PHACTR1: variants seen among roughly 807,000 people sequenced by gnomAD.
PHACTR1 encodes the protein phosphatase and actin regulator 1.
In PHACTR1, 16 loss-of-function variants were observed where a neutral mutation model predicts 69.2. The ratio of observed to expected loss-of-function variants is 0.23; its 90% CI spans 0.16 to 0.35. PHACTR1 has a LOEUF of 0.35. Ranked by LOEUF, PHACTR1 falls within the 10% of genes least tolerant of loss-of-function variation. PHACTR1 has a pLI of 1.00. For missense variants in PHACTR1, 510 were observed against 734.7 expected (o/e 0.69, Z 3.54); for synonymous variants, 312 against 284.5 (o/e 1.10, Z -0.97).
chr6:12,719,811 T>C (rs554037255), intron 3 of PHACTR1, among the ~76,000 whole-genome samples: 23 of 152,250 alleles, frequency 1.5e-4, no homozygotes, highest in African/African-American at 5.5e-4. Context: ...TGCTTTTACC[T>C]CCCTCTCAAG....
intron 4 of PHACTR1, among the ~76,000 whole-genome samples, chr6:12,995,274 C>T (rs1423789962): frequency 1.3e-5 from 2 of 149,158 alleles, no homozygotes; most frequent in Non-Finnish European, 3.0e-5. Flanking sequence ...AAATATATAA[C>T]TTCCAAATTA....
rs115492407 is a variant in PHACTR1, at chr6:13,152,716, A to C, written c.416-7488A>C. Among the ~76,000 whole-genome samples, 550 of 152,298 alleles carry C rather than the reference A, an allele frequency of 3.6e-3. 3 individuals are homozygous for C. Among genetic ancestry groups the C allele is most frequent in the African/African-American group, 0.013 (530 of 41,568 alleles). On this transcript the variant is annotated intron_variant, in intron 5 of 14. Transcript: ENST00000332995. The stretch of plus-strand genomic sequence containing the variant: ...TGTGTTTTAAACTGGAGATTTTATT[A>C]TTCTTCAGGTATGGTGAGGCCAACA...
intron 4 of PHACTR1, among the ~76,000 whole-genome samples, chr6:12,757,482 T>G (rs1767467985): frequency 6.6e-6 from 1 of 152,114 alleles, no homozygotes; most frequent in Non-Finnish European, 1.5e-5. Flanking sequence ...AAAGGATCAC[T>G]GGGGCTGTTG....
At chr6:12,945,234 A>G (rs1171228057) in intron 4 of PHACTR1, among the ~76,000 whole-genome samples, 1 of 152,096 alleles carries the variant, frequency 6.6e-6, no homozygotes, top group African/African-American at 2.4e-5. Flanking sequence ...CTTCCTCCAG[A>G]AAGCCCTCCC....
At chr6:13,068,101 G>A (rs1364283916) in intron 5 of PHACTR1, among the ~76,000 whole-genome samples, 1 of 152,198 alleles carries the variant, frequency 6.6e-6, no homozygotes, top group Admixed American at 6.5e-5. Context: ...CAGATTACCT[G>A]AGGTCAGGAG....
intron 3 of PHACTR1, among the ~76,000 whole-genome samples, chr6:12,730,344 C>T (rs918924337): frequency 6.6e-6 from 1 of 151,950 alleles, no homozygotes. Flanking sequence ...ACAATTAATA[C>T]TCTATTTGAA....
At chr6:13,138,827 A>G (rs1246709419) in intron 5 of PHACTR1, among the ~76,000 whole-genome samples, 1 of 152,208 alleles carries the variant, frequency 6.6e-6, no homozygotes, top group African/African-American at 2.4e-5. Context: ...TTCCTTATAT[A>G]CCAAAAAGCA....
intron 6 of PHACTR1, among the ~76,000 whole-genome samples, chr6:13,180,395 TC>T (rs1217609686): frequency 2.6e-5 from 4 of 152,194 alleles, no homozygotes; most frequent in Non-Finnish European, 5.9e-5. Flanking sequence ...AGTTAGTATG[TC>T]CCAAGAGGAG....
At chr6:12,719,260 G>A (rs997246801) in intron 3 of PHACTR1, among the ~76,000 whole-genome samples, 2 of 152,190 alleles carry the variant, frequency 1.3e-5, no homozygotes, top group African/African-American at 2.4e-5. Context: ...TGAGAGAAGC[G>A]CTGAGCTTCT....
chr6:13,112,302 A>G (rs745449243), intron 5 of PHACTR1, among the ~76,000 whole-genome samples: 7 of 152,138 alleles, frequency 4.6e-5, no homozygotes, highest in South Asian at 2.1e-4. Context: ...GGTTGATTCC[A>G]TGTCTTTGCT....
intron 4 of PHACTR1, among the ~76,000 whole-genome samples, chr6:12,842,988 C>T (rs1778848464): frequency 6.6e-6 from 1 of 152,054 alleles, no homozygotes; most frequent in South Asian, 2.1e-4. Context: ...GACTTATCTA[C>T]CCTTTATATG....
intron 5 of PHACTR1, among the ~76,000 whole-genome samples, chr6:13,081,951 G>A (rs977410730): frequency 1.3e-5 from 2 of 152,154 alleles, no homozygotes; most frequent in African/African-American, 4.8e-5. Context: ...CATCATTGCT[G>A]TTTCTTTCCT....
chr6:12,748,622 GT>G (rs1291908079), intron 3 of PHACTR1, among the ~76,000 whole-genome samples: 9 of 152,306 alleles, frequency 5.9e-5, no homozygotes, highest in Admixed American at 2.0e-4. Flanking sequence ...TACAGGTAGG[GT>G]TGCAGGGGGC....
chr6:13,020,356 G>A (rs1239029971), intron 4 of PHACTR1, among the ~76,000 whole-genome samples: 1 of 152,188 alleles, frequency 6.6e-6, no homozygotes, highest in African/African-American at 2.4e-5. Context: ...GTTTATTCAT[G>A]TATCAAGCAT....
intron 4 of PHACTR1, among the ~76,000 whole-genome samples, chr6:12,783,309 C>T (rs1357747028): frequency 2.0e-5 from 3 of 152,218 alleles, no homozygotes; most frequent in African/African-American, 7.2e-5. Flanking sequence ...TATAGGAATA[C>T]ACTGACCAGA....
At chr6:13,136,031 T>A (rs1208543114) in intron 5 of PHACTR1, among the ~76,000 whole-genome samples, 1 of 152,198 alleles carries the variant, frequency 6.6e-6, no homozygotes, top group Non-Finnish European at 1.5e-5. Context: ...GCACATGTAT[T>A]TATATAAAAG....
chr6:13,010,284 C>T (rs1476689049), intron 4 of PHACTR1, among the ~76,000 whole-genome samples: 10 of 152,152 alleles, frequency 6.6e-5, no homozygotes, highest in African/African-American at 2.4e-4. Context: ...CGCGCCACCA[C>T]ACCCAGCTAA....
At chr6:13,190,227 G>T (rs1479477974) in intron 7 of PHACTR1, among the ~76,000 whole-genome samples, 5 of 63,524 alleles carry the variant, frequency 7.9e-5, no homozygotes, top group Admixed American at 3.5e-4. Flanking sequence ...TAGAGGTGGG[G>T]TTTCACCATA....
intron 4 of PHACTR1, among the ~76,000 whole-genome samples, chr6:12,753,058 T>A (rs2127599114): frequency 6.6e-6 from 1 of 152,330 alleles, no homozygotes; most frequent in Non-Finnish European, 1.5e-5. Flanking sequence ...CCCAGACACA[T>A]CAAAGATTAA....
Sources: allele counts gnomAD v4.1 joint callset (sites outside exome capture counted in the v4.1 genomes callset), GRCh38; gene constraint gnomAD v4.1.1; transcripts MANE v1.5; gene names NCBI Gene and HGNC (gene_info 2026-07-23, HGNC 2026-07-21).